The following CALD1 variants were observed in gnomAD, a reference collection of about 807,000 sequenced individuals.
The protein encoded by CALD1 is caldesmon 1, also known as caldesmon.
A neutral mutation model predicts 99.9 loss-of-function variants in CALD1; 33 were observed. That is an observed-to-expected ratio of 0.33 (90% CI 0.25 to 0.44). The LOEUF (loss-of-function observed/expected upper bound fraction) is 0.44. Ranked by LOEUF, CALD1 falls within the 20% of genes least tolerant of loss-of-function variation. CALD1 has a pLI of 1.00. For synonymous variants in CALD1, 310 were observed against 325.0 expected (o/e 0.95, Z 0.50); for missense variants, 861 against 962.1 (o/e 0.89, Z 1.39).
chr7:134,764,374 G>T (rs1192925376), intron 1 of CALD1, among the ~76,000 whole-genome samples: 5 of 151,984 alleles, frequency 3.3e-5, no homozygotes, highest in African/African-American at 7.2e-5. Flanking sequence ...TAGAGAAAAA[G>T]AGAAAAAAAG....
At chr7:134,886,610 G>A (rs757179246) in intron 3 of CALD1, among the ~76,000 whole-genome samples, 7 of 152,198 alleles carry the variant, frequency 4.6e-5, no homozygotes, top group Non-Finnish European at 8.8e-5. Context: ...TTAAAAGGAT[G>A]GAAAATAGGC....
At chr7:134,791,674 C>CA (rs61294733) in intron 1 of CALD1, among the ~76,000 whole-genome samples, 47,866 of 151,942 alleles carry the variant, frequency 0.32, 8,055 homozygotes, top group East Asian at 0.63. Context: ...AAACAAAAAA[C>CA]AAAAAACAAA....
At chr7:134,740,985 T>C (rs1487414627), upstream of CALD1, among the ~76,000 whole-genome samples, 1 of 152,226 alleles carries the variant, frequency 6.6e-6, no homozygotes, top group Non-Finnish European at 1.5e-5. Flanking sequence ...CCCCATTTTA[T>C]GGATGAATTG....
At chr7:134,910,459 A>G (rs1331853831) in intron 3 of CALD1, among the ~76,000 whole-genome samples, 1 of 152,196 alleles carries the variant, frequency 6.6e-6, no homozygotes, top group Admixed American at 6.5e-5. Flanking sequence ...CAAAAGGCCA[A>G]AACTAACACT....
chr7:134,885,446 T>A (rs1234922546), intron 3 of CALD1, among the ~76,000 whole-genome samples: 9 of 152,004 alleles, frequency 5.9e-5, no homozygotes. Flanking sequence ...AAGAAGGAAA[T>A]CAATATTTTT....
chr7:134,960,651 G>T (rs1808196400), intron 13 of CALD1, 23 bp downstream of exon 13: 1 of 1,446,060 alleles, frequency 6.9e-7, no homozygotes, highest in Admixed American at 1.7e-5. Context: ...AGGTTTTTCT[G>T]AGTTTCTTTG....
chr7:134,719,195 C>A, the CALD1 span, among the ~76,000 whole-genome samples: 3 of 151,590 alleles, frequency 2.0e-5, no homozygotes, highest in Admixed American at 2.0e-4. Context: ...ATGAAGGTCA[C>A]TGGGAACGGA....
At chr7:134,801,048 C>G (rs920698036) in intron 1 of CALD1, among the ~76,000 whole-genome samples, 1 of 151,926 alleles carries the variant, frequency 6.6e-6, no homozygotes, top group Non-Finnish European at 1.5e-5. Context: ...GTAATTTAGT[C>G]TTATTTTTAA....
At chr7:134,897,237 G>T (rs1386978642) in intron 3 of CALD1, among the ~76,000 whole-genome samples, 1 of 151,988 alleles carries the variant, frequency 6.6e-6, no homozygotes, top group Non-Finnish European at 1.5e-5. Context: ...TCAGGCTCTG[G>T]CCTCAAGGGT....
the CALD1 span, chr7:134,735,196 G>T: frequency 2.6e-5 from 4 of 152,340 alleles, no homozygotes; most frequent in East Asian, 7.7e-4. Context: ...GACATTCATT[G>T]TTTTCAATTT....
At chr7:134,930,860 G>T (rs534517515) in intron 4 of CALD1, among the ~76,000 whole-genome samples, 19 of 152,290 alleles carry the variant, frequency 1.2e-4, no homozygotes, top group Admixed American at 1.0e-3. Flanking sequence ...GGGCAACGTA[G>T]TCATTCACTG....
upstream of CALD1, among the ~76,000 whole-genome samples, chr7:134,743,164 A>C (rs1159796035): frequency 6.6e-6 from 1 of 152,194 alleles, no homozygotes; most frequent in Non-Finnish European, 1.5e-5. Flanking sequence ...GTTGGCGGAA[A>C]CTTGGGGATC....
chr7:134,782,738 A>T (rs1024874702), intron 1 of CALD1, among the ~76,000 whole-genome samples: 1 of 152,172 alleles, frequency 6.6e-6, no homozygotes, highest in Non-Finnish European at 1.5e-5. Flanking sequence ...CTATCATTTG[A>T]GTCCTCTGGA....
chr7:134,952,743 A>G (rs1467396580), intron 9 of CALD1, among the ~76,000 whole-genome samples: 2 of 152,124 alleles, frequency 1.3e-5, no homozygotes, highest in African/African-American at 4.8e-5. Flanking sequence ...TGCTGGGATT[A>G]CACGCATGAG....
At chr7:134,868,240 A>T (rs181222101) in intron 3 of CALD1, 62 of 157,152 alleles carry the variant, frequency 3.9e-4, no homozygotes, top group Admixed American at 1.7e-3. Flanking sequence ...CTTGTGAAAA[A>T]TTTTCATTCT....
At chr7:134,777,131 T>C (rs1419158324), upstream of CALD1, among the ~76,000 whole-genome samples, 2 of 152,164 alleles carry the variant, frequency 1.3e-5, no homozygotes, top group African/African-American at 4.8e-5. Flanking sequence ...ATGGCAGAGA[T>C]TCAGCAACAT....
intron 3 of CALD1, among the ~76,000 whole-genome samples, chr7:134,884,764 T>C (rs1340420186): frequency 6.6e-6 from 1 of 152,174 alleles, no homozygotes; most frequent in Non-Finnish European, 1.5e-5. Context: ...ATTGGCCATC[T>C]GCTATATAAC....
intron 3 of CALD1, among the ~76,000 whole-genome samples, chr7:134,890,237 T>G (rs1021198028): frequency 6.6e-6 from 1 of 152,154 alleles, no homozygotes; most frequent in Non-Finnish European, 1.5e-5. Context: ...CGCATAGTAT[T>G]TAAGCAAGAA....
the CALD1 span, among the ~76,000 whole-genome samples, chr7:134,730,023 A>C: frequency 6.6e-6 from 1 of 152,146 alleles, no homozygotes; most frequent in East Asian, 1.9e-4. Context: ...AAACAGACAC[A>C]GTCACAGATG....
Sources: allele counts gnomAD v4.1 joint callset (sites outside exome capture counted in the v4.1 genomes callset), GRCh38; gene constraint gnomAD v4.1.1; transcripts MANE v1.5; gene names NCBI Gene and HGNC (gene_info 2026-07-23, HGNC 2026-07-21).